Variants in DCC observed in about 807,000 individuals in gnomAD.
DCC encodes the protein DCC netrin 1 receptor, also known as netrin receptor DCC.
In DCC, 58 loss-of-function variants were observed where a neutral mutation model predicts 172.5. The observed-to-expected ratio is 0.34, with a 90% CI of 0.27 to 0.42. DCC has a LOEUF of 0.42. Ranked by LOEUF, DCC falls within the 10% of genes least tolerant of loss-of-function variation. The pLI is 1.00. For missense variants in DCC, 1,740 were observed against 1,791.0 expected, an observed-to-expected ratio of 0.97 and a Z score of 0.51; for synonymous variants, 709 against 644.5, an observed-to-expected ratio of 1.10 and a Z score of -1.52.
chr18:52,933,356 A>T (rs759267141), intron 5 of DCC, among the ~76,000 whole-genome samples: 1 of 151,828 alleles, frequency 6.6e-6, no homozygotes, highest in Non-Finnish European at 1.5e-5. Context: ...GTTGAGAAAG[A>T]GGAAGACAAG....
At chr18:53,108,445 A>C (rs2043281879) in intron 7 of DCC, among the ~76,000 whole-genome samples, 2 of 151,832 alleles carry the variant, frequency 1.3e-5, no homozygotes, top group African/African-American at 2.4e-5. Context: ...ATAAATAATC[A>C]ATGTTGATTT....
At chr18:52,384,051 G>C (rs910828512) in intron 1 of DCC, among the ~76,000 whole-genome samples, 4 of 151,876 alleles carry the variant, frequency 2.6e-5, no homozygotes, top group African/African-American at 9.7e-5. Flanking sequence ...TATTAAAATA[G>C]CATTTTAATT....
chr18:52,968,124 C>T (rs72926172), intron 5 of DCC, among the ~76,000 whole-genome samples: 3,450 of 152,120 alleles, frequency 0.023, 59 homozygotes, highest in Admixed American at 0.041. Flanking sequence ...TTTGGTATTA[C>T]GAAATTTAAT....
At chr18:53,206,057 CTA>C in intron 10 of DCC, among the ~76,000 whole-genome samples, 1 of 15,006 alleles carries the variant, frequency 6.7e-5, no homozygotes, top group Non-Finnish European at 1.3e-4. Context: ...ATATGTATAC[CTA>C]TATAATACAT....
intron 25 of DCC, among the ~76,000 whole-genome samples, chr18:53,468,833 T>G (rs1454619213): frequency 6.6e-6 from 1 of 152,200 alleles, no homozygotes; most frequent in East Asian, 1.9e-4. Context: ...GAAGATATTA[T>G]TATCTGAGAA....
At chr18:53,326,573 T>G (rs1214440270) in intron 14 of DCC, among the ~76,000 whole-genome samples, 1 of 152,238 alleles carries the variant, frequency 6.6e-6, no homozygotes, top group African/African-American at 2.4e-5. Flanking sequence ...TGGTCACTGG[T>G]AGGTACAAAA....
intron 2 of DCC, among the ~76,000 whole-genome samples, chr18:52,823,824 G>A (rs940430117): frequency 6.6e-6 from 1 of 152,092 alleles, no homozygotes; most frequent in African/African-American, 2.4e-5. Context: ...ACATAATGGG[G>A]TGCCTGAGTG....
intron 2 of DCC, among the ~76,000 whole-genome samples, chr18:52,876,666 G>A (rs1312120844): frequency 6.6e-6 from 1 of 152,170 alleles, no homozygotes; most frequent in Admixed American, 6.5e-5. Flanking sequence ...AAATTGAAAT[G>A]TACTTATGAA....
At chr18:53,281,287 G>T (rs965342412) in intron 12 of DCC, among the ~76,000 whole-genome samples, 1 of 152,008 alleles carries the variant, frequency 6.6e-6, no homozygotes, top group Admixed American at 6.6e-5. Context: ...ACTGGAGCTA[G>T]GTTTAAGATA....
At chr18:52,991,953 C>T (rs985513681) in intron 5 of DCC, among the ~76,000 whole-genome samples, 1 of 152,170 alleles carries the variant, frequency 6.6e-6, no homozygotes, top group Non-Finnish European at 1.5e-5. Context: ...GGATATTTTA[C>T]CATAGAAGTC....
chr18:53,113,945 A>G (rs966218918), intron 7 of DCC, among the ~76,000 whole-genome samples: 1 of 151,374 alleles, frequency 6.6e-6, no homozygotes, highest in Non-Finnish European at 1.5e-5. Flanking sequence ...TATTTATTCT[A>G]TTGCTCTAAA....
intron 1 of DCC, among the ~76,000 whole-genome samples, chr18:52,612,627 G>T (rs2034296463): frequency 6.6e-6 from 1 of 151,990 alleles, no homozygotes; most frequent in African/African-American, 2.4e-5. Flanking sequence ...ACTCTGTCTT[G>T]CTCTCTGGAC....
intron 5 of DCC, among the ~76,000 whole-genome samples, chr18:53,012,745 G>A (rs2041748865): frequency 6.6e-6 from 1 of 151,984 alleles, no homozygotes; most frequent in African/African-American, 2.4e-5. Context: ...TATCAGCATT[G>A]ATGAGACTAA....
In DCC at chr18:53,469,362, TCTCA is replaced by T. The variant is rs758092671; in HGVS notation, c.3736+1355_3736+1358del. Among the ~76,000 whole-genome samples the T allele has an allele frequency of 7.2e-5, 11 of 152,338 alleles. No homozygotes were observed. In the East Asian group the frequency reaches 1.7e-3, roughly 24 times the overall value. On this transcript the variant is annotated intron_variant, in intron 25 of 28. Coordinates refer to ENST00000442544, the MANE Select transcript of DCC (RefSeq NM_005215.4). ...TTATGACCAAAAGTCCAAGGTGAGC[TCTCA>T]CTATTTGGAAATGACACTGTATTTC...
chr18:52,967,826 A>G (rs2040960358), intron 5 of DCC, among the ~76,000 whole-genome samples: 1 of 152,176 alleles, frequency 6.6e-6, no homozygotes, highest in African/African-American at 2.4e-5. Context: ...CAGGGACAGG[A>G]TTTTTTGGCA....
At chr18:53,164,291 A>G (rs2054884653) in intron 8 of DCC, among the ~76,000 whole-genome samples, 1 of 152,096 alleles carries the variant, frequency 6.6e-6, no homozygotes, top group Non-Finnish European at 1.5e-5. Context: ...GTTGCTCAGG[A>G]TAGAGTGCAG....
intron 1 of DCC, among the ~76,000 whole-genome samples, chr18:52,407,808 G>A (rs1406321471): frequency 6.6e-6 from 1 of 152,116 alleles, no homozygotes; most frequent in African/African-American, 2.4e-5. Context: ...AGTTTTTTCT[G>A]TGTACAGCTT....
intron 2 of DCC, among the ~76,000 whole-genome samples, chr18:52,851,488 G>T (rs752743852): frequency 6.6e-6 from 1 of 152,030 alleles, no homozygotes; most frequent in Non-Finnish European, 1.5e-5. Context: ...TACTGAGTTT[G>T]TAATCTCTGG....
chr18:53,432,283 AG>A (rs1455915559), intron 21 of DCC, among the ~76,000 whole-genome samples: 1 of 152,170 alleles, frequency 6.6e-6, no homozygotes, highest in African/African-American at 2.4e-5. Context: ...AGGCCTGCAT[AG>A]GATCTGATTA....
Sources: allele counts gnomAD v4.1 joint callset (sites outside exome capture counted in the v4.1 genomes callset), GRCh38; gene constraint gnomAD v4.1.1; transcripts MANE v1.5; gene names NCBI Gene and HGNC (gene_info 2026-07-23, HGNC 2026-07-21).